The following THSD7A variants were observed in gnomAD, a reference collection of about 807,000 sequenced individuals.
THSD7A encodes thrombospondin type 1 domain containing 7A.
Under a neutral mutation model 231.3 loss-of-function variants are expected in THSD7A, and 96 were observed. That is an observed-to-expected ratio of 0.41 (90% CI 0.35 to 0.49). The LOEUF (loss-of-function observed/expected upper bound fraction) is 0.49. THSD7A is among the 20% of genes least tolerant of loss of function. The probability of loss-of-function intolerance (pLI) is 0.05; values close to 1 mark genes in which losing one functional copy is unlikely to be tolerated. For missense variants in THSD7A, 2,290 were observed against 2,070.2 expected (o/e 1.11, Z -2.06); for synonymous variants, 940 against 743.3 (o/e 1.26, Z -4.30).
rs77730818 is a variant in THSD7A at position 11,409,164 on chromosome 7, C to T, written c.3799-1741G>A. Among the ~76,000 whole-genome samples, 447 of 152,238 alleles carry T rather than the reference C, an allele frequency of 2.9e-3. 1 individual carries two copies. Among genetic ancestry groups the T allele is most frequent in the African/African-American group, 0.01 (430 of 41,550 alleles). ...GAAATAGGAAAGAAAAAACCAATTA[C>T]TAGGTATCCAATGAGTAAATGTCTG... On this transcript the variant is annotated intron_variant, in intron 19 of 27. Coordinates refer to ENST00000423059, the MANE Select transcript of THSD7A (RefSeq NM_015204.3).
intron 6 of THSD7A, among the ~76,000 whole-genome samples, chr7:11,540,748 A>T (rs1275754977): frequency 6.6e-6 from 1 of 152,226 alleles, no homozygotes; most frequent in Non-Finnish European, 1.5e-5. Flanking sequence ...CTTATATCAG[A>T]GCTAACATCA....
At chr7:11,546,199 C>CGT (rs150053928) in intron 4 of THSD7A, among the ~76,000 whole-genome samples, 5 of 101,818 alleles carry the variant, frequency 4.9e-5, no homozygotes, top group South Asian at 3.1e-4. Flanking sequence ...GGTGTGGGCG[C>CGT]GCGCTCACAC....
At chr7:11,768,969 T>G (rs1324921128) in intron 1 of THSD7A, among the ~76,000 whole-genome samples, 1 of 149,742 alleles carries the variant, frequency 6.7e-6, no homozygotes, top group Non-Finnish European at 1.5e-5. Flanking sequence ...TTTGTTTTGA[T>G]TTTTTTGAGA....
At chr7:11,485,351 C>A (rs1223982046) in intron 6 of THSD7A, among the ~76,000 whole-genome samples, 1 of 152,120 alleles carries the variant, frequency 6.6e-6, no homozygotes, top group East Asian at 1.9e-4. Flanking sequence ...GACTTCATAC[C>A]TAATAGCATT....
intron 1 of THSD7A, among the ~76,000 whole-genome samples, chr7:11,686,860 T>C (rs548898549): frequency 3.9e-5 from 6 of 151,928 alleles, no homozygotes; most frequent in African/African-American, 1.2e-4. Context: ...AATGTTACAA[T>C]TGGGTACCAC....
intron 1 of THSD7A, among the ~76,000 whole-genome samples, chr7:11,674,546 C>A (rs554656761): frequency 2.0e-5 from 3 of 152,264 alleles, no homozygotes; most frequent in African/African-American, 7.2e-5. Context: ...AACTGTGAAA[C>A]TCCCCAAAGG....
intron 1 of THSD7A, among the ~76,000 whole-genome samples, chr7:11,647,374 G>A (rs1306545128): frequency 2.6e-5 from 4 of 151,994 alleles, no homozygotes; most frequent in African/African-American, 9.7e-5. Flanking sequence ...TAACCCGTAT[G>A]TCTTGGCTCT....
intron 13 of THSD7A, among the ~76,000 whole-genome samples, chr7:11,432,385 AAAG>A (rs1474678896): frequency 3.3e-5 from 5 of 152,120 alleles, no homozygotes; most frequent in African/African-American, 1.2e-4. Flanking sequence ...TTCATATGCA[AAAG>A]TGCATTTTCC....
intron 2 of THSD7A, among the ~76,000 whole-genome samples, chr7:11,596,517 T>C (rs759444925): frequency 6.6e-6 from 1 of 152,116 alleles, no homozygotes; most frequent in Non-Finnish European, 1.5e-5. Context: ...GCTCCCTGAC[T>C]GGTAGGGTGA....
chr7:11,705,189 A>C (rs189666630), intron 1 of THSD7A, among the ~76,000 whole-genome samples: 1 of 151,140 alleles, frequency 6.6e-6, no homozygotes, highest in Non-Finnish European at 1.5e-5. Flanking sequence ...CAGGAATTTG[A>C]CCTTTAAACC....
At chr7:11,535,103 G>T (rs561304985) in intron 6 of THSD7A, among the ~76,000 whole-genome samples, 2 of 152,148 alleles carry the variant, frequency 1.3e-5, no homozygotes, top group African/African-American at 4.8e-5. Context: ...TGGGGAATTT[G>T]TATCACTAAG....
At chr7:11,600,598 T>C (rs1458506390) in intron 2 of THSD7A, among the ~76,000 whole-genome samples, 1 of 152,138 alleles carries the variant, frequency 6.6e-6, no homozygotes, top group Non-Finnish European at 1.5e-5. Flanking sequence ...TTGTGTTGAT[T>C]TGTAGTTTAA....
Position 11,375,852 on chromosome 7 carries a change from C to T in THSD7A, c.4916G>A (p.Arg1639Lys), listed in dbSNP as rs768818431. Residue 1639 changes from arginine to lysine, a missense_variant, in exon 28 of 28, where the codon AGG becomes AAG. Transcript: ENST00000423059. Reference protein sequence around the residue: ...ACKKPKKPQRRQNNRLKPLTL... With the variant: ...ACKKPKKPQRKQNNRLKPLTL... Reference sequence around the variant, plus strand: ...TAAAGGTTTCAGTCGGTTGTTTTGCCTTCTTTGGGGTTTCTTTGGCTTTTT... The same window carrying T: ...TAAAGGTTTCAGTCGGTTGTTTTGCTTTCTTTGGGGTTTCTTTGGCTTTTT... 5.6e-6 allele frequency: 9 copies of T among 1,612,468 alleles called. No individual in the cohort carries two copies. The Middle Eastern group carries it at 9.9e-4, about 178-fold the overall frequency.
intron 2 of THSD7A, among the ~76,000 whole-genome samples, chr7:11,614,460 T>C (rs1781039441): frequency 1.3e-5 from 2 of 152,202 alleles, no homozygotes; most frequent in Non-Finnish European, 2.9e-5. Flanking sequence ...ATTGAGTGGC[T>C]GATCCAGAAT....
chr7:11,685,712 C>T (rs1345683323), intron 1 of THSD7A, among the ~76,000 whole-genome samples: 1 of 151,742 alleles, frequency 6.6e-6, no homozygotes, highest in African/African-American at 2.4e-5. Context: ...ATTAGAAAGT[C>T]AGAATAACTG....
At chr7:11,825,418 T>C (rs1382056437) in intron 1 of THSD7A, among the ~76,000 whole-genome samples, 1 of 152,126 alleles carries the variant, frequency 6.6e-6, no homozygotes, top group Non-Finnish European at 1.5e-5. Context: ...GTGTCTCCCT[T>C]ATAACTTGGA....
chr7:11,662,039 A>G (rs1283948812), intron 1 of THSD7A, among the ~76,000 whole-genome samples: 2 of 151,264 alleles, frequency 1.3e-5, no homozygotes, highest in Non-Finnish European at 3.0e-5. Flanking sequence ...AAATAATCAG[A>G]GAAAGAAAGG....
At chr7:11,725,673 A>G (rs990442459) in intron 1 of THSD7A, among the ~76,000 whole-genome samples, 1 of 152,002 alleles carries the variant, frequency 6.6e-6, no homozygotes, top group Non-Finnish European at 1.5e-5. Context: ...TTAAGATGTT[A>G]ATGGTATCTT....
chr7:11,669,553 A>G (rs1489792144), intron 1 of THSD7A, among the ~76,000 whole-genome samples: 2 of 152,032 alleles, frequency 1.3e-5, no homozygotes, highest in Non-Finnish European at 2.9e-5. Flanking sequence ...TTGGGGAATT[A>G]GAGAAAATTC....
Sources: gnomAD v4.1 joint callset for allele counts (sites outside exome capture counted in the v4.1 genomes callset) on GRCh38, gnomAD v4.1.1 for gene constraint, MANE v1.5 for transcripts, NCBI Gene and HGNC (gene_info 2026-07-23, HGNC 2026-07-21) for gene names.